The following PDE10A variants were observed in gnomAD, a reference collection of about 807,000 sequenced individuals.
PDE10A encodes the protein cAMP and cAMP-inhibited cGMP 3',5'-cyclic phosphodiesterase 10A.
In PDE10A, 39 loss-of-function variants were observed where a neutral mutation model predicts 97.7. The ratio of observed to expected loss-of-function variants is 0.40; its 90% confidence interval spans 0.31 to 0.52. The LOEUF is 0.52. Ranked by LOEUF, PDE10A falls within the 20% of genes least tolerant of loss-of-function variation. PDE10A has a pLI of 0.56. For synonymous variants in PDE10A, 371 were observed against 376.8 expected, an observed-to-expected ratio of 0.98 and a Z score of 0.18; for missense variants, 731 against 1,047.8, an observed-to-expected ratio of 0.70 and a Z score of 4.17.
chr6:165,464,175 G>A (rs973765931), intron 3 of PDE10A, among the ~76,000 whole-genome samples: 15 of 151,984 alleles, frequency 9.9e-5, no homozygotes, highest in African/African-American at 3.1e-4. Context: ...AGCTGGTCTC[G>A]GCATATACAT....
At chr6:165,498,791 C>T (rs940067245) in intron 2 of PDE10A, among the ~76,000 whole-genome samples, 1 of 152,126 alleles carries the variant, frequency 6.6e-6, no homozygotes, top group African/African-American at 2.4e-5. Context: ...AAATCTATCA[C>T]CTTACTTTTG....
chr6:165,849,865 C>G (rs1038025891), intron 1 of PDE10A, among the ~76,000 whole-genome samples: 1 of 152,172 alleles, frequency 6.6e-6, no homozygotes, highest in African/African-American at 2.4e-5. Flanking sequence ...AAAAGTTGCA[C>G]AAGTGTTCTC....
chr6:165,380,349 ATTTC>A (rs1784856079), intron 17 of PDE10A, among the ~76,000 whole-genome samples: 1 of 152,184 alleles, frequency 6.6e-6, no homozygotes, highest in Non-Finnish European at 1.5e-5. Flanking sequence ...ATTGAAGCAT[ATTTC>A]TTTAAAAAAT....
At chr6:165,877,191 C>T (rs1781365124) in intron 1 of PDE10A, among the ~76,000 whole-genome samples, 1 of 152,130 alleles carries the variant, frequency 6.6e-6, no homozygotes, top group Non-Finnish European at 1.5e-5. Flanking sequence ...CATTGACAAG[C>T]CCCATCATTT....
At chr6:165,660,326 T>A (rs1415707169) in intron 1 of PDE10A, 2 of 152,398 alleles carry the variant, frequency 1.3e-5, no homozygotes, top group East Asian at 3.9e-4. Flanking sequence ...CCACACCCCT[T>A]CCCCACCTAG....
intron 2 of PDE10A, among the ~76,000 whole-genome samples, chr6:165,532,142 A>G: frequency 6.6e-6 from 1 of 152,032 alleles, no homozygotes; most frequent in Non-Finnish European, 1.5e-5. Context: ...ACTGGCTTCT[A>G]ATTGGAATTG....
chr6:165,832,621 T>C (rs556283156), intron 1 of PDE10A, among the ~76,000 whole-genome samples: 2 of 152,278 alleles, frequency 1.3e-5, no homozygotes, highest in South Asian at 4.1e-4. Flanking sequence ...CAACCCGCAG[T>C]ATCAGCGTTC....
intron 1 of PDE10A, among the ~76,000 whole-genome samples, chr6:165,640,986 T>C (rs1258339509): frequency 6.6e-6 from 1 of 152,230 alleles, no homozygotes; most frequent in African/African-American, 2.4e-5. Context: ...AAGAGGTGTC[T>C]TAAATCGGTG....
At chr6:165,890,138 G>A (rs1324942897) in intron 1 of PDE10A, among the ~76,000 whole-genome samples, 1 of 150,880 alleles carries the variant, frequency 6.6e-6, no homozygotes, top group African/African-American at 2.4e-5. Context: ...CTCATCCTGT[G>A]TGACTTTAGC....
At chr6:165,668,015 CACA>C (rs980521342), upstream of PDE10A, among the ~76,000 whole-genome samples, 30 of 152,298 alleles carry the variant, frequency 2.0e-4, no homozygotes, top group African/African-American at 7.2e-4. Context: ...CAAGTTAGAA[CACA>C]ACAATGAGTT....
intron 1 of PDE10A, among the ~76,000 whole-genome samples, chr6:165,879,626 C>T (rs1407955593): frequency 6.6e-6 from 1 of 152,220 alleles, no homozygotes; most frequent in Non-Finnish European, 1.5e-5. Flanking sequence ...ATGCTCAAGT[C>T]GCTGATGTAA....
chr6:165,734,461 T>C (rs549230235), intron 1 of PDE10A, among the ~76,000 whole-genome samples: 1 of 152,116 alleles, frequency 6.6e-6, no homozygotes, highest in Non-Finnish European at 1.5e-5. Flanking sequence ...AAAACATCTA[T>C]AGGTATTTTT....
chr6:165,643,273 G>C (rs897719859), intron 1 of PDE10A, among the ~76,000 whole-genome samples: 2 of 148,704 alleles, frequency 1.3e-5, no homozygotes, highest in Admixed American at 6.7e-5. Context: ...ATGGAGAGAC[G>C]AGCAGACAGA....
intron 1 of PDE10A, among the ~76,000 whole-genome samples, chr6:165,847,125 T>C (rs1055518695): frequency 2.6e-5 from 4 of 152,194 alleles, no homozygotes; most frequent in Non-Finnish European, 2.9e-5. Context: ...TCTTCTACCA[T>C]ACACACCTAA....
chr6:165,588,223 TC>T lies in PDE10A; in HGVS notation c.866-44656del, dbSNP rs761029798. 1.2e-3 allele frequency among the ~76,000 whole-genome samples: 189 copies of T among 152,044 alleles called. 1 individual carries two copies. The highest frequency in any genetic ancestry group is 3.1e-3 in the South Asian group (15 of 4,814). ...CCATCTTAATATTAGAAAAAAATTA[TC>T]TTGGGGGTGGTAGTAAACTGCTGGA... is the stretch of plus-strand genomic sequence containing the variant. On this transcript the variant is annotated intron_variant, in intron 1 of 21. Transcript: ENST00000539869.
chr6:165,979,494 T>A (rs980345339), intron 1 of PDE10A, among the ~76,000 whole-genome samples: 1 of 152,270 alleles, frequency 6.6e-6, no homozygotes, highest in African/African-American at 2.4e-5. Context: ...AAATATTTCT[T>A]CTTGTCTATA....
At chr6:165,349,567 A>T (rs905831303) in intron 18 of PDE10A, among the ~76,000 whole-genome samples, 7 of 152,150 alleles carry the variant, frequency 4.6e-5, no homozygotes, top group African/African-American at 1.4e-4. Flanking sequence ...CTGGGGAGAA[A>T]TTCAAGCCAG....
At chr6:165,766,723 C>T (rs1777860302) in intron 1 of PDE10A, among the ~76,000 whole-genome samples, 1 of 152,206 alleles carries the variant, frequency 6.6e-6, no homozygotes, top group African/African-American at 2.4e-5. Context: ...GATTCAACCT[C>T]TCCTTCCTGA....
chr6:165,804,766 G>A (rs1261282249), intron 1 of PDE10A, among the ~76,000 whole-genome samples: 2 of 151,890 alleles, frequency 1.3e-5, no homozygotes, highest in Non-Finnish European at 2.9e-5. Flanking sequence ...TCGGGGAGCG[G>A]CGGCGGGGGA....
Sources: gnomAD v4.1 joint callset for allele counts (sites outside exome capture counted in the v4.1 genomes callset) on GRCh38, gnomAD v4.1.1 for gene constraint, MANE v1.5 for transcripts, NCBI Gene and HGNC (gene_info 2026-07-23, HGNC 2026-07-21) for gene names.